The following COG5 variants were observed in gnomAD, a reference collection of about 807,000 sequenced individuals.
COG5 encodes the protein conserved oligomeric Golgi complex subunit 5.
COG5 carries 86 observed loss-of-function variants against 110.4 expected under a neutral mutation model. That is an observed-to-expected ratio of 0.78 (90% confidence interval 0.65 to 0.93). COG5 has a LOEUF of 0.93. Ranked by LOEUF, COG5 falls within the 40% of genes least tolerant of loss-of-function variation. COG5 has a pLI of 0.00. For missense variants in COG5, 1,077 were observed against 987.0 expected (o/e 1.09, Z -1.22); for synonymous variants, 360 against 334.6 (o/e 1.08, Z -0.83).
At chr7:107,352,711 C>T (rs1812272488) in intron 10 of COG5, among the ~76,000 whole-genome samples, 1 of 147,340 alleles carries the variant, frequency 6.8e-6, no homozygotes, top group Admixed American at 6.8e-5. Context: ...TAAAAGAAAA[C>T]ACATTATTTT....
intron 7 of COG5, among the ~76,000 whole-genome samples, chr7:107,395,666 T>C (rs1234530821): frequency 6.8e-6 from 1 of 147,008 alleles, no homozygotes; most frequent in African/African-American, 2.5e-5. Flanking sequence ...GCAATTCTCC[T>C]GCCTCAGCCT....
intron 7 of COG5, among the ~76,000 whole-genome samples, chr7:107,388,654 C>T (rs1790379174): frequency 6.6e-6 from 1 of 152,198 alleles, no homozygotes; most frequent in South Asian, 2.1e-4. Context: ...AAGCACTTTT[C>T]TAAAACCTCT....
In COG5 at chr7:107,452,672, T is replaced by TC. The variant is rs573198600; in HGVS notation, c.539-40041dup. Reference sequence around the variant, plus strand: ...TGCCTTTCCCCATGATTGTGAGGCCTCCCCAGCCATGTGAAACTGTAAGTC... The same window carrying TC: ...TGCCTTTCCCCATGATTGTGAGGCCTCCCCCAGCCATGTGAAACTGTAAGTC... On this transcript the variant is annotated intron_variant, in intron 6 of 21. Coordinates refer to ENST00000297135, the MANE Select transcript of COG5 (RefSeq NM_006348.5). Among the ~76,000 whole-genome samples, 22 of 152,254 alleles carry TC rather than the reference T, an allele frequency of 1.4e-4. No individual in the cohort carries two copies. In the South Asian group the frequency reaches 4.2e-3, roughly 29 times the overall value.
intron 5 of COG5, among the ~76,000 whole-genome samples, chr7:107,530,551 A>C (rs1269478256): frequency 7.3e-6 from 1 of 137,202 alleles, no homozygotes; most frequent in Non-Finnish European, 1.5e-5. Context: ...CGATGAGCCG[A>C]GATTGTGATA....
At chr7:107,291,331 G>C (rs1806153907) in intron 12 of COG5, among the ~76,000 whole-genome samples, 1 of 152,056 alleles carries the variant, frequency 6.6e-6, no homozygotes, top group African/African-American at 2.4e-5. Context: ...CCAGGTCAAA[G>C]CTATTCACAG....
chr7:107,487,461 C>T (rs889649693), intron 6 of COG5, among the ~76,000 whole-genome samples: 6 of 151,984 alleles, frequency 3.9e-5, no homozygotes, highest in Admixed American at 2.0e-4. Flanking sequence ...CTGGGACTCC[C>T]GACGTATCAG....
chr7:107,244,741 C>T (rs1045280237), intron 17 of COG5, among the ~76,000 whole-genome samples: 1 of 152,060 alleles, frequency 6.6e-6, no homozygotes, highest in African/African-American at 2.4e-5. Flanking sequence ...CTCCCAAGAC[C>T]CAGCCAGGAG....
At chr7:107,503,847 C>G (rs1182001296) in intron 6 of COG5, among the ~76,000 whole-genome samples, 1 of 152,144 alleles carries the variant, frequency 6.6e-6, no homozygotes, top group African/African-American at 2.4e-5. Flanking sequence ...GACTTTGTAA[C>G]CTGAGACTTT....
intron 5 of COG5, among the ~76,000 whole-genome samples, chr7:107,534,408 T>C (rs1447446279): frequency 2.0e-5 from 3 of 151,336 alleles, no homozygotes; most frequent in South Asian, 2.1e-4. Context: ...ATGTGATGAA[T>C]TCAGGAGATC....
chr7:107,412,425 T>A, intron 7 of COG5, 77 bp downstream of exon 7: 1 of 1,421,090 alleles, frequency 7.0e-7, no homozygotes, highest in Non-Finnish European at 9.8e-7. Context: ...ATATATTACT[T>A]TTTTGAACTC....
intron 7 of COG5, among the ~76,000 whole-genome samples, chr7:107,392,723 T>C (rs149466425): frequency 6.6e-5 from 10 of 151,680 alleles, no homozygotes; most frequent in Admixed American, 2.0e-4. Context: ...TGTTTTTCAG[T>C]AGCATTAACA....
intron 11 of COG5, among the ~76,000 whole-genome samples, chr7:107,323,489 T>C (rs12534000): frequency 0.18 from 27,542 of 152,126 alleles, 2,692 homozygotes; most frequent in Non-Finnish European, 0.22. Context: ...CGAGATCACG[T>C]GACTGCACTC....
chr7:107,362,501 T>C (rs1813214524), intron 8 of COG5, 81 bp from the exon 9 acceptor site: 3 of 844,738 alleles, frequency 3.6e-6, no homozygotes, highest in Admixed American at 2.3e-5. Flanking sequence ...ATAAAAACCA[T>C]ACGCAAGCTA....
chr7:107,361,961 C>A, intron 10 of COG5, 72 bp downstream of exon 10: 1 of 1,027,188 alleles, frequency 9.7e-7, no homozygotes, highest in Non-Finnish European at 1.5e-6. Context: ...GTAGTAGTAA[C>A]ACAAATGATG....
In COG5 at chr7:107,253,466, A is replaced by T. The variant is rs575405764; in HGVS notation, c.1749+3266T>A. ...AAACCCACACAAAAAGGGAGAAAGA[A>T]GCATTGCCATATATAAATTTGGCAA... On this transcript the variant is annotated intron_variant, in intron 16 of 21. Transcript: ENST00000297135. Among the ~76,000 whole-genome samples, 4 of 152,300 alleles carry T rather than the reference A, an allele frequency of 2.6e-5. No homozygotes were observed. The East Asian group carries it at 7.7e-4, about 29-fold the overall frequency.
chr7:107,448,179 T>G (rs1030847400), intron 6 of COG5, among the ~76,000 whole-genome samples: 1 of 152,132 alleles, frequency 6.6e-6, no homozygotes, highest in Non-Finnish European at 1.5e-5. Context: ...ATATTCTTAC[T>G]GACACCCTCC....
chr7:107,518,089 T>C (rs557813133), intron 6 of COG5, among the ~76,000 whole-genome samples: 1 of 152,250 alleles, frequency 6.6e-6, no homozygotes, highest in African/African-American at 2.4e-5. Context: ...AAGGAAATCC[T>C]TTCTAGACAA....
chr7:107,492,981 T>C (rs367817371), intron 6 of COG5, among the ~76,000 whole-genome samples: 4 of 152,164 alleles, frequency 2.6e-5, no homozygotes, highest in African/African-American at 7.2e-5. Context: ...AAAATTCATA[T>C]GCTGGAAGTT....
chr7:107,381,552 T>G (rs12673142), intron 7 of COG5, among the ~76,000 whole-genome samples: 21,201 of 152,160 alleles, frequency 0.14, 1,863 homozygotes, highest in Non-Finnish European at 0.19. Context: ...ATTTTGCAAT[T>G]CACAGACAAT....
Sources: allele counts gnomAD v4.1 joint callset (sites outside exome capture counted in the v4.1 genomes callset), GRCh38; gene constraint gnomAD v4.1.1; transcripts MANE v1.5; gene names NCBI Gene and HGNC (gene_info 2026-07-23, HGNC 2026-07-21).